MEI4: variants seen among roughly 807,000 people sequenced by gnomAD.
MEI4 encodes meiosis-specific protein MEI4.
MEI4 carries 27 observed loss-of-function variants against 31.4 expected under a neutral mutation model. The observed-to-expected ratio is 0.86, with a 90% CI of 0.63 to 1.19. The LOEUF is 1.19. Among genes scored for constraint, MEI4 ranks in the 50% most tolerant of loss-of-function variants. MEI4 has a pLI of 0.00. For synonymous variants in MEI4, 122 were observed against 145.4 expected (o/e 0.84, Z 1.16); for missense variants, 329 against 398.9 (o/e 0.82, Z 1.49).
chr6:77,851,972 C>G (rs2127718572), intron 4 of MEI4, among the ~76,000 whole-genome samples: 1 of 152,184 alleles, frequency 6.6e-6, no homozygotes, highest in South Asian at 2.1e-4. Flanking sequence ...CGCCTAAGTT[C>G]TATACATAGT....
chr6:77,754,251 TAGAA>T (rs1269611916), intron 2 of MEI4, among the ~76,000 whole-genome samples: 1 of 151,934 alleles, frequency 6.6e-6, no homozygotes, highest in Non-Finnish European at 1.5e-5. Context: ...TAAAGTATAA[TAGAA>T]ATAAATAAAT....
At position 77,821,649 on chromosome 6, in the gene MEI4, G is replaced by C. The variant is rs545243575; in HGVS notation, c.769-7282G>C. On this transcript the variant is annotated intron_variant, in intron 3 of 4. Coordinates refer to ENST00000684080, the MANE Select transcript of MEI4 (RefSeq NM_001322247.2). ...TGTCTCTACTAAAAATACAAAATTA[G>C]CCAGGCATGGTGGCACATGCCTGTA... Among the ~76,000 whole-genome samples, 66 of 151,886 alleles carry C rather than the reference G, an allele frequency of 4.3e-4. 1 individual carries two copies. The highest frequency in any genetic ancestry group is 8.4e-4 in the Non-Finnish European group (57 of 67,964).
At chr6:77,766,084 C>T (rs1041855140) in intron 3 of MEI4, among the ~76,000 whole-genome samples, 1 of 152,176 alleles carries the variant, frequency 6.6e-6, no homozygotes, top group African/African-American at 2.4e-5. Context: ...TATTAGGAAG[C>T]TGTATATTAT....
chr6:77,774,179 G>T (rs1229824230), intron 3 of MEI4, among the ~76,000 whole-genome samples: 1 of 152,016 alleles, frequency 6.6e-6, no homozygotes, highest in Non-Finnish European at 1.5e-5. Context: ...CAGAAGAAAG[G>T]AAATCAGTAC....
intron 2 of MEI4, among the ~76,000 whole-genome samples, chr6:77,727,443 TA>T (rs1173203258): frequency 6.6e-6 from 1 of 152,216 alleles, no homozygotes; most frequent in Non-Finnish European, 1.5e-5. Context: ...GTTTAGCATT[TA>T]CCAGGGACAG....
intron 4 of MEI4, among the ~76,000 whole-genome samples, chr6:77,919,161 A>G (rs1239193996): frequency 6.6e-6 from 1 of 152,066 alleles, no homozygotes; most frequent in Non-Finnish European, 1.5e-5. Context: ...ATAGACATCT[A>G]CAGAACTCTC....
chr6:77,758,155 C>CAAAAAA (rs58249702), intron 2 of MEI4, among the ~76,000 whole-genome samples: 5 of 115,828 alleles, frequency 4.3e-5, no homozygotes, highest in Non-Finnish European at 7.1e-5. Context: ...CTCCATCTCA[C>CAAAAAA]AAAAAAAAAA....
intron 4 of MEI4, among the ~76,000 whole-genome samples, chr6:77,919,874 T>G (rs1025585134): frequency 6.7e-6 from 1 of 150,260 alleles, no homozygotes; most frequent in African/African-American, 2.4e-5. Context: ...CAAACACCTC[T>G]ACGCAAATAA....
intron 4 of MEI4, among the ~76,000 whole-genome samples, chr6:77,835,661 A>G (rs934028284): frequency 2.0e-4 from 30 of 152,122 alleles, no homozygotes; most frequent in African/African-American, 7.2e-4. Context: ...GGAAAATTAA[A>G]GATGCATATC....
chr6:77,792,382 A>G (rs1355849608), intron 3 of MEI4, among the ~76,000 whole-genome samples: 1 of 152,090 alleles, frequency 6.6e-6, no homozygotes, highest in Non-Finnish European at 1.5e-5. Context: ...GAATCTTTAT[A>G]ATGTTTTCTA....
intron 3 of MEI4, among the ~76,000 whole-genome samples, chr6:77,798,569 G>T (rs1490144581): frequency 7.1e-6 from 1 of 140,238 alleles, no homozygotes. Context: ...GTATACATGT[G>T]CCATGCTAGT....
At chr6:77,726,574 A>C (rs1766827497) in intron 2 of MEI4, among the ~76,000 whole-genome samples, 1 of 152,196 alleles carries the variant, frequency 6.6e-6, no homozygotes, top group Non-Finnish European at 1.5e-5. Context: ...TGTCCAGGGC[A>C]CAAAATATGA....
intron 1 of MEI4, among the ~76,000 whole-genome samples, chr6:77,658,023 A>T (rs1052583652): frequency 3.3e-5 from 5 of 152,236 alleles, no homozygotes; most frequent in African/African-American, 1.2e-4. Context: ...AGTAGTTTTC[A>T]TGCGTGTCCG....
intron 3 of MEI4, among the ~76,000 whole-genome samples, chr6:77,801,768 C>T (rs1769267961): frequency 6.6e-6 from 1 of 152,096 alleles, no homozygotes; most frequent in Non-Finnish European, 1.5e-5. Context: ...GTTCAGTTTC[C>T]ATGTAGTTGA....
Position 77,761,411 on chromosome 6 carries a change from G to C in MEI4, c.514G>C (p.Asp172His), listed in dbSNP as rs1024587903. 2 of 1,231,984 alleles carry C rather than the reference G, an allele frequency of 1.6e-6. No individual in the cohort carries two copies. The highest frequency in any genetic ancestry group is 2.0e-6 in the Non-Finnish European group (2 of 987,944). The allele number at this position is 1,231,984 out of a possible 1,614,324, so 76.3% of individuals were successfully genotyped here. Residue 172 changes from aspartate to histidine, a missense_variant, in exon 3 of 5, where the codon GAC becomes CAC. Asp to His is a moderately conservative substitution (Grantham distance 81). Coordinates refer to ENST00000684080, the MANE Select transcript of MEI4 (RefSeq NM_001322247.2). Reference sequence around the variant, plus strand: ...GACAGAATCAGGTAATCTTAAAAGAGACTTAACCCACTTTGAAAAAGACTC... The same window carrying C: ...GACAGAATCAGGTAATCTTAAAAGACACTTAACCCACTTTGAAAAAGACTC... ...NLTESGNLKRDLTHFEKDSST... is the reference protein window; with the variant it reads ...NLTESGNLKRHLTHFEKDSST...
At chr6:77,922,177 G>T (rs1430934251) in intron 4 of MEI4, among the ~76,000 whole-genome samples, 1 of 151,594 alleles carries the variant, frequency 6.6e-6, no homozygotes, top group Admixed American at 6.6e-5. Context: ...CTAAAAGAAT[G>T]TTCTTTCATT....
intron 4 of MEI4, among the ~76,000 whole-genome samples, chr6:77,864,518 C>G (rs1334690957): frequency 6.6e-6 from 1 of 152,196 alleles, no homozygotes; most frequent in South Asian, 2.1e-4. Flanking sequence ...ATCAATTCAA[C>G]AAGAAGAGCT....
intron 3 of MEI4, among the ~76,000 whole-genome samples, chr6:77,782,907 G>A (rs1474227725): frequency 6.6e-6 from 1 of 152,184 alleles, no homozygotes; most frequent in Admixed American, 6.5e-5. Flanking sequence ...TAGCACTACA[G>A]TAATTGGCAA....
chr6:77,734,693 A>G (rs546816395), intron 2 of MEI4, among the ~76,000 whole-genome samples: 4 of 149,908 alleles, frequency 2.7e-5, no homozygotes, highest in East Asian at 3.9e-4. Flanking sequence ...TTAGCTGGTT[A>G]TTTTGCTCGT....
Sources: allele counts gnomAD v4.1 joint callset (sites outside exome capture counted in the v4.1 genomes callset), GRCh38; gene constraint gnomAD v4.1.1; transcripts MANE v1.5; gene names NCBI Gene and HGNC (gene_info 2026-07-23, HGNC 2026-07-21).